COL18A1: variants seen among roughly 807,000 people sequenced by gnomAD.
COL18A1 encodes collagen type XVIII alpha 1 chain.
Under a neutral mutation model 168.0 loss-of-function variants are expected in COL18A1, and 133 were observed. The observed-to-expected ratio is 0.79, with a 90% CI of 0.69 to 0.91. COL18A1 has a LOEUF of 0.91. Among genes scored for constraint, COL18A1 ranks in the 40% least tolerant of loss-of-function variants. COL18A1 has a pLI of 0.00. For synonymous variants in COL18A1, 949 were observed against 809.0 expected, an observed-to-expected ratio of 1.17 and a Z score of -2.94; for missense variants, 2,126 against 1,925.4, an observed-to-expected ratio of 1.10 and a Z score of -1.95.
At position 45,476,337 on chromosome 21, in the gene COL18A1, C is replaced by A. The variant is rs747838059; in HGVS notation, c.799-14C>A. ...CCGGCCGAATAACAGGCCACCTCCC[C>A]TCTCGTCCTCCAGGGCGCGGCCCTA... On this transcript the variant is annotated splice_polypyrimidine_tract_variant and intron_variant, in intron 5 of 41. Transcript: ENST00000651438. 3 of 1,613,886 alleles carry A rather than the reference C, an allele frequency of 1.9e-6. No homozygotes were observed. The highest frequency in any genetic ancestry group is 3.3e-5 in the Admixed American group (2 of 60,020).
chr21:45,475,488 T>C lies in COL18A1; in HGVS notation c.751T>C (p.Ser251Pro). 1 of 1,605,210 alleles carries C rather than the reference T, an allele frequency of 6.2e-7. No individual in the cohort carries two copies. ...TCAAACTCCTCAGGCATCCGGAGACTCTGGCAGCGGGCTCGGGGACGCCCG... is the reference window on the plus strand; with the variant it reads ...TCAAACTCCTCAGGCATCCGGAGACCCTGGCAGCGGGCTCGGGGACGCCCG... ...GDDSDGASGD[S>P]GSGLGDAREL... Residue 251 changes from serine (S) to proline (P), a missense_variant, in exon 5 of 42, where the codon TCT (serine) becomes CCT (proline). By Grantham distance (74) the Ser-to-Pro change is moderately conservative (BLOSUM62 -1). Transcript: ENST00000651438.
Position 45,415,235 on chromosome 21 carries a change from T to G in COL18A1, c.106+9762T>G, listed in dbSNP as rs149415532. 4.1e-4 allele frequency among the ~76,000 whole-genome samples: 63 copies of G among 152,238 alleles called. No homozygotes were observed. The East Asian group carries it at 8.1e-3, about 20-fold the overall frequency. ...TGTGGGGCAGGAAGTCTTGGATGTG[T>G]GCCGGCTTCAGCAGGACCCTCAAGG... On this transcript the variant is annotated intron_variant, in intron 2 of 41. Coordinates refer to ENST00000651438, the MANE Select transcript of COL18A1 (RefSeq NM_001379500.1).
intron 2 of COL18A1, among the ~76,000 whole-genome samples, chr21:45,437,209 T>TGC (rs1482903608): frequency 2.2e-5 from 2 of 89,970 alleles, no homozygotes; most frequent in Admixed American, 1.1e-4. Context: ...GGCACTCTCC[T>TGC]GCACACACAC....
chr21:45,512,142 A>G, intron 41 of COL18A1, 46 bp from the exon 42 acceptor site: 1 of 1,573,148 alleles, frequency 6.4e-7, no homozygotes, highest in Non-Finnish European at 8.6e-7. Context: ...CTCTGCCCTA[A>G]GCAGAGCAGG....
chr21:45,456,189 TCTC>T lies in COL18A1; in HGVS notation c.107-12047_107-12045del, dbSNP rs1159248640. The T allele has an allele frequency of 6.3e-7, 1 of 1,599,394 alleles. No individual in the cohort carries two copies. Among genetic ancestry groups the T allele is most frequent in the Non-Finnish European group, 8.5e-7 (1 of 1,170,474 alleles). On this transcript the variant is annotated intron_variant, in intron 2 of 41. Transcript: ENST00000651438. The stretch of plus-strand genomic sequence containing the variant: ...CCACCATCTTCAGGTAGAGCTTCTC[TCTC>T]CTCCTTGCTGGGCGGGGCCCCTCCC...
rs1236977344 is a variant in COL18A1 at position 45,494,888 on chromosome 21, G to A, written c.2406G>A (p.Lys802=). ...GTCCATACGGACGGCCGGGGTACAAGGGAGAGATTGGCTTTCCTGGACGGC... is the reference window on the plus strand; with the variant it reads ...GTCCATACGGACGGCCGGGGTACAAAGGAGAGATTGGCTTTCCTGGACGGC... ...PPGPYGRPGY[K]GEIGFPGRPG... is the part of the protein sequence containing the mutation. The change falls in exon 28 of 42, where the codon AAG becomes AAA. Residue 802 remains lysine (K), a synonymous_variant. Transcript: ENST00000651438. 3.7e-6 allele frequency: 6 copies of A among 1,610,846 alleles called. No homozygotes were observed. The African/African-American group carries it at 4.0e-5, about 11-fold the overall frequency.
At chr21:45,508,695 C>G (rs1035520068) in intron 38 of COL18A1, among the ~76,000 whole-genome samples, 1 of 152,182 alleles carries the variant, frequency 6.6e-6, no homozygotes, top group Non-Finnish European at 1.5e-5. Context: ...CAGGGTTCAG[C>G]CCAGTCTGCT....
intron 25 of COL18A1, 41 bp downstream of exon 25, chr21:45,493,266 C>T (rs1406842063): frequency 1.9e-6 from 3 of 1,545,912 alleles, no homozygotes; most frequent in Non-Finnish European, 2.6e-6. Context: ...CCTTTGTGAC[C>T]CAGGGGTGGC....
intron 2 of COL18A1, among the ~76,000 whole-genome samples, chr21:45,452,554 G>A (rs2145841633): frequency 6.6e-6 from 1 of 152,146 alleles, no homozygotes; most frequent in East Asian, 1.9e-4. Flanking sequence ...ATGCATGTGA[G>A]CATTCATGTG....
At chr21:45,438,272 A>ACT (rs1491414804) in intron 2 of COL18A1, among the ~76,000 whole-genome samples, 5 of 108,390 alleles carry the variant, frequency 4.6e-5, no homozygotes, top group South Asian at 2.9e-4. Flanking sequence ...TCACACTCAG[A>ACT]CACACAGGCA....
At position 45,444,459 on chromosome 21, in the gene COL18A1, C is replaced by T. The variant is rs73909531; in HGVS notation, c.107-23783C>T. Among the ~76,000 whole-genome samples the T allele has an allele frequency of 5.4e-3, 829 of 152,140 alleles. 12 individuals are homozygous for T. Among genetic ancestry groups the T allele is most frequent in the African/African-American group, 0.019 (798 of 41,490 alleles). On this transcript the variant is annotated intron_variant, in intron 2 of 41. Coordinates refer to ENST00000651438, the MANE Select transcript of COL18A1 (RefSeq NM_001379500.1). ...GTAGGGCTGGGGTCAGCTGGTCGTC[C>T]GGACTTTTGGTTTTCTGGCTGTAAA...
Position 45,492,472 on chromosome 21 carries a change from C to A in COL18A1, c.2158-63C>A, listed in dbSNP as rs1556329. The A allele has an allele frequency of 2.3e-5, 36 of 1,589,014 alleles. No individual in the cohort carries two copies. The Admixed American group carries it at 5.7e-4, about 25-fold the overall frequency. ...GTGTTTTGTTGATCTGTAAGTCGCT[C>A]GAGTCCAGTTGAATTTTAAACGCGG... On this transcript the variant is annotated intron_variant, in intron 22 of 41. Transcript: ENST00000651438.
At chr21:45,451,906 C>T (rs899151660) in intron 2 of COL18A1, among the ~76,000 whole-genome samples, 6 of 152,328 alleles carry the variant, frequency 3.9e-5, no homozygotes, top group South Asian at 4.1e-4. Flanking sequence ...GCCTCCCAGC[C>T]GCCCCATCAG....
chr21:45,485,036 G>A (rs1049037721), intron 15 of COL18A1, among the ~76,000 whole-genome samples: 35 of 151,776 alleles, frequency 2.3e-4, no homozygotes, highest in Admixed American at 3.3e-4. Context: ...CAGAGTCTCC[G>A]CAGTGGTGCA....
intron 2 of COL18A1, among the ~76,000 whole-genome samples, chr21:45,440,213 AC>A (rs2145813451): frequency 6.6e-6 from 1 of 152,352 alleles, no homozygotes; most frequent in South Asian, 2.1e-4. Context: ...ACCTGTGCAC[AC>A]AGGCTCCCGC....
At chr21:45,511,077 CACCACACACACAT>C in intron 40 of COL18A1, 21 bp from the exon 41 acceptor site, 1 of 1,053,186 alleles carries the variant, frequency 9.5e-7, no homozygotes. Context: ...CACCCCCACA[CACCACACACACAT>C]ACACACGGTT....
rs367624457 is a variant in COL18A1, at chr21:45,480,425, G to T, written c.1399-42G>T. The T allele has an allele frequency of 2.5e-6, 4 of 1,613,904 alleles. No individual in the cohort carries two copies. The Admixed American group carries it at 5.0e-5, about 20-fold the overall frequency. The stretch of plus-strand genomic sequence containing the variant: ...GGGCCAGGAGTAGGCCAGGCGGGGG[G>T]CCGAGCTCAGGGCAACGTGTCTCTC... On this transcript the variant is annotated intron_variant, in intron 11 of 41. Coordinates refer to ENST00000651438, the MANE Select transcript of COL18A1 (RefSeq NM_001379500.1).
Position 45,473,191 on chromosome 21 carries a change from C to T in COL18A1, c.652-704C>T, listed in dbSNP as rs1373789582. ...CGTTGCGCCCTCCTGTGTCCTTGCCCAGCATCCCCGGCCTGCATCTCACCA... is the reference window on the plus strand; with the variant it reads ...CGTTGCGCCCTCCTGTGTCCTTGCCTAGCATCCCCGGCCTGCATCTCACCA... On this transcript the variant is annotated intron_variant, in intron 3 of 41. Coordinates refer to ENST00000651438, the MANE Select transcript of COL18A1 (RefSeq NM_001379500.1). The surrounding 1 kb of genome is among the most constrained non-coding windows in gnomAD (Gnocchi z 4.0). Among the ~76,000 whole-genome samples the T allele has an allele frequency of 6.6e-6, 1 of 152,224 alleles. No individual in the cohort carries two copies. The highest frequency in any genetic ancestry group is 2.4e-5 in the African/African-American group (1 of 41,454).
chr21:45,498,140 C>G lies in COL18A1; in HGVS notation c.2683+479C>G. 1.5e-6 allele frequency: 1 copy of G among 646,352 alleles called. No individual in the cohort carries two copies. Among genetic ancestry groups the G allele is most frequent in the Non-Finnish European group, 2.8e-6 (1 of 357,224 alleles). The allele number at this position is 646,352 out of a possible 1,614,324, so 40.0% of individuals were successfully genotyped here. On this transcript the variant is annotated intron_variant, in intron 32 of 41. Coordinates refer to ENST00000651438, the MANE Select transcript of COL18A1 (RefSeq NM_001379500.1). This position sits in a 1 kb window ranked among gnomAD's most constrained non-coding sequence, Gnocchi z 4.5. ...ACAAGAATTCCCCCCTGAGCCCCACCTCCATTGAGGGTGGCAGGGCTGCTT... is the reference window on the plus strand; with the variant it reads ...ACAAGAATTCCCCCCTGAGCCCCACGTCCATTGAGGGTGGCAGGGCTGCTT...
Sources: allele counts gnomAD v4.1 joint callset (sites outside exome capture counted in the v4.1 genomes callset), GRCh38; gene constraint gnomAD v4.1.1; non-coding constraint Gnocchi (gnomAD v3.1); transcripts MANE v1.5; gene names NCBI Gene and HGNC (gene_info 2026-07-23, HGNC 2026-07-21).